The following CCDC91 variants were observed in gnomAD, a reference collection of about 807,000 sequenced individuals.
The protein encoded by CCDC91 is coiled-coil domain-containing protein 91.
In CCDC91, 48 loss-of-function variants were observed where a neutral mutation model predicts 63.2. The observed-to-expected ratio is 0.76, with a 90% CI of 0.60 to 0.97. The LOEUF (loss-of-function observed/expected upper bound fraction) is 0.97, where lower values mean the gene tolerates loss of function less well. Among genes scored for constraint, CCDC91 ranks in the 50% least tolerant of loss-of-function variants. The pLI is 0.00. For missense variants in CCDC91, 500 were observed against 494.6 expected, an observed-to-expected ratio of 1.01 and a Z score of -0.10; for synonymous variants, 167 against 165.8, an observed-to-expected ratio of 1.01 and a Z score of -0.06.
intron 8 of CCDC91, among the ~76,000 whole-genome samples, chr12:28,402,888 A>G (rs1345558088): frequency 6.6e-6 from 1 of 152,116 alleles, no homozygotes; most frequent in Non-Finnish European, 1.5e-5. Flanking sequence ...TGCTTTGACC[A>G]TTTTATTGAT....
chr12:28,366,113 AAGACATGAC>A (rs1944255224), intron 7 of CCDC91, among the ~76,000 whole-genome samples: 1 of 152,202 alleles, frequency 6.6e-6, no homozygotes, highest in African/African-American at 2.4e-5. Context: ...CAGAAATATG[AAGACATGAC>A]TTTTTATATT....
chr12:28,425,326 G>A (rs1037142844), intron 8 of CCDC91, among the ~76,000 whole-genome samples: 1 of 152,060 alleles, frequency 6.6e-6, no homozygotes, highest in African/African-American at 2.4e-5. Context: ...TTGGAAGAAG[G>A]AGGGGAAAAC....
intron 3 of CCDC91, among the ~76,000 whole-genome samples, chr12:28,263,874 T>G (rs1305901218): frequency 6.6e-6 from 1 of 152,024 alleles, no homozygotes; most frequent in East Asian, 1.9e-4. Context: ...TTTTTAATTC[T>G]TTGGGGATAA....
At chr12:28,434,386 T>C (rs1948786468) in intron 8 of CCDC91, among the ~76,000 whole-genome samples, 1 of 151,842 alleles carries the variant, frequency 6.6e-6, no homozygotes, top group African/African-American at 2.4e-5. Flanking sequence ...TTTTTTCCTC[T>C]TTAGCTGTCC....
chr12:28,526,931 AG>A (rs1376043464), intron 12 of CCDC91, among the ~76,000 whole-genome samples: 4 of 151,932 alleles, frequency 2.6e-5, no homozygotes, highest in African/African-American at 9.7e-5. Context: ...TATTTCTATA[AG>A]TGTGTCCATC....
chr12:28,412,776 C>T (rs1351218140), intron 8 of CCDC91: 1 of 453,554 alleles, frequency 2.2e-6, no homozygotes, highest in Admixed American at 2.4e-5. Context: ...TCAATCCTTC[C>T]TGCGATTGGC....
At chr12:28,529,221 T>C (rs1441802562) in intron 12 of CCDC91, among the ~76,000 whole-genome samples, 1 of 152,192 alleles carries the variant, frequency 6.6e-6, no homozygotes, top group East Asian at 1.9e-4. Context: ...TTCTTATATG[T>C]CTAGTGTTTT....
intron 8 of CCDC91, among the ~76,000 whole-genome samples, chr12:28,440,567 C>T (rs552019137): frequency 2.2e-4 from 34 of 152,112 alleles, no homozygotes; most frequent in African/African-American, 8.0e-4. Context: ...AAAGAAAAAT[C>T]GATAAATTAG....
rs140903307 is a variant in CCDC91 at position 28,327,210 on chromosome 12, C to T, written c.576+19461C>T. On this transcript the variant is annotated intron_variant, in intron 6 of 12. Coordinates refer to ENST00000536442, the MANE Select transcript of CCDC91 (RefSeq NM_018318.5). ...AGGTTTTCCTTTTAATGAAAAGCAG[C>T]CCCCAAATCATTTTCTTTTCTAACA... 1.3e-3 allele frequency among the ~76,000 whole-genome samples: 193 copies of T among 152,124 alleles called. 2 individuals carry two copies. Among genetic ancestry groups the T allele is most frequent in the African/African-American group, 2.9e-3 (120 of 41,512 alleles).
intron 8 of CCDC91, 150 bp from the exon 9 acceptor site, chr12:28,450,011 T>A (rs1949721697): frequency 4.1e-6 from 2 of 484,412 alleles, no homozygotes; most frequent in Non-Finnish European, 7.4e-6. Flanking sequence ...TAGTGTTTTT[T>A]TCTCCTGAAC....
chr12:28,292,532 G>T (rs1259851760), intron 3 of CCDC91, among the ~76,000 whole-genome samples: 1 of 151,914 alleles, frequency 6.6e-6, no homozygotes, highest in Non-Finnish European at 1.5e-5. Flanking sequence ...GTCTTTAGTA[G>T]GCTCAAATTT....
At chr12:28,517,763 G>A (rs1008368493) in intron 12 of CCDC91, among the ~76,000 whole-genome samples, 1 of 151,812 alleles carries the variant, frequency 6.6e-6, no homozygotes, top group South Asian at 2.1e-4. Context: ...CACCCAATTT[G>A]TAGTCTTTTA....
chr12:28,277,281 A>G (rs1287706952), intron 3 of CCDC91, among the ~76,000 whole-genome samples: 2 of 152,168 alleles, frequency 1.3e-5, no homozygotes, highest in African/African-American at 4.8e-5. Flanking sequence ...CATGAATTCT[A>G]TAGGTATTAC....
chr12:28,300,999 A>G (rs1938014525), intron 3 of CCDC91, among the ~76,000 whole-genome samples: 1 of 151,578 alleles, frequency 6.6e-6, no homozygotes, highest in Admixed American at 6.6e-5. Flanking sequence ...TTAATTTTAT[A>G]TGTATTCTCA....
intron 8 of CCDC91, among the ~76,000 whole-genome samples, chr12:28,434,320 G>A (rs1048280443): frequency 1.3e-5 from 2 of 151,454 alleles, no homozygotes; most frequent in Non-Finnish European, 3.0e-5. Flanking sequence ...AAAAAATCAT[G>A]AATACCGATT....
chr12:28,505,889 T>A (rs1305672643), intron 12 of CCDC91, among the ~76,000 whole-genome samples: 1 of 152,018 alleles, frequency 6.6e-6, no homozygotes, highest in East Asian at 1.9e-4. Context: ...CAAACAGAGA[T>A]GACTGCTTAA....
At chr12:28,397,352 A>G (rs1337257938) in intron 8 of CCDC91, among the ~76,000 whole-genome samples, 1 of 152,240 alleles carries the variant, frequency 6.6e-6, no homozygotes, top group African/African-American at 2.4e-5. Context: ...GTCTTTGAGG[A>G]GCTTAGATGA....
intron 1 of CCDC91, among the ~76,000 whole-genome samples, chr12:28,227,500 T>C (rs1009334232): frequency 4.6e-5 from 7 of 152,090 alleles, no homozygotes; most frequent in African/African-American, 1.7e-4. Context: ...TTTTGGTCTT[T>C]CTTTTATTGA....
At chr12:28,296,599 A>AATCCATTAT (rs1237631031) in intron 3 of CCDC91, among the ~76,000 whole-genome samples, 1 of 151,852 alleles carries the variant, frequency 6.6e-6, no homozygotes, top group Non-Finnish European at 1.5e-5. Context: ...TACATCCTAA[A>AATCCATTAT]ATCCATTATA....
Sources: gnomAD v4.1 joint callset for allele counts (sites outside exome capture counted in the v4.1 genomes callset) on GRCh38, gnomAD v4.1.1 for gene constraint, MANE v1.5 for transcripts, NCBI Gene and HGNC (gene_info 2026-07-23, HGNC 2026-07-21) for gene names.